TPGS2: variants seen among roughly 807,000 people sequenced by gnomAD.
TPGS2 encodes the protein tubulin polyglutamylase complex subunit 2.
Under a neutral mutation model 31.1 loss-of-function variants are expected in TPGS2, and 26 were observed. The observed-to-expected ratio is 0.84, with a 90% CI of 0.61 to 1.16. The LOEUF (loss-of-function observed/expected upper bound fraction) is 1.16. Among genes scored for constraint, TPGS2 ranks in the 50% most tolerant of loss-of-function variants. TPGS2 has a pLI of 0.00. For missense variants in TPGS2, 351 were observed against 363.8 expected (o/e 0.96, Z 0.29); for synonymous variants, 130 against 136.6 (o/e 0.95, Z 0.34).
At chr18:36,822,391 A>C (rs1258208154) in intron 1 of TPGS2, among the ~76,000 whole-genome samples, 1 of 152,194 alleles carries the variant, frequency 6.6e-6, no homozygotes, top group Admixed American at 6.5e-5. Flanking sequence ...TATACTTGGG[A>C]CTAAAACTGT....
At chr18:36,819,063 C>A in intron 1 of TPGS2, 90 bp from the exon 2 acceptor site, 1 of 1,028,430 alleles carries the variant, frequency 9.7e-7, no homozygotes, top group South Asian at 1.5e-5. Context: ...GATGACTGCT[C>A]TTAAGAACAT....
rs1204795513 is a variant in TPGS2, at chr18:36,795,503, T to C, written c.*1302A>G. 39 of 985,306 alleles carry C rather than the reference T, an allele frequency of 4.0e-5. No individual in the cohort carries two copies. The highest frequency in any genetic ancestry group is 4.7e-5 in the South Asian group (1 of 21,288). 61.0% of individuals were successfully genotyped at this position (985,306 alleles called of 1,614,324 possible). ...GGGCTAGGTGGGTGACTCCCCACTT[T>C]CCCTGTTGGGAAGCAGGGTGAAGGC... On this transcript the variant is annotated 3_prime_UTR_variant, in exon 7 of 7. Transcript: ENST00000334295.
At chr18:36,798,183 C>G in intron 6 of TPGS2, 1 of 1,295,166 alleles carries the variant, frequency 7.7e-7, no homozygotes, top group Non-Finnish European at 9.9e-7. Flanking sequence ...AGTCATGGGA[C>G]ATAAACTATC....
Position 36,795,246 on chromosome 18 carries a change from T to C in TPGS2, c.*1559A>G. The C allele has an allele frequency of 1.0e-6, 1 of 985,408 alleles. No homozygotes were observed. Among genetic ancestry groups the C allele is most frequent in the African/African-American group, 1.7e-5 (1 of 57,346 alleles). 61.0% of individuals were successfully genotyped at this position (985,408 alleles called of 1,614,324 possible). A position where few individuals can be genotyped will look rare whatever the true frequency, so the allele number is the denominator to read the frequency against. Reference sequence around the variant, plus strand: ...TGTGGAGAATCCTGTGGACTGCTCTTAGTTCCCCAGTGGGTTTGGAAGAGG... The same window carrying C: ...TGTGGAGAATCCTGTGGACTGCTCTCAGTTCCCCAGTGGGTTTGGAAGAGG... On this transcript the variant is annotated 3_prime_UTR_variant, in exon 7 of 7. Transcript: ENST00000334295.
chr18:36,825,971 T>C (rs2046117369), intron 1 of TPGS2, among the ~76,000 whole-genome samples: 1 of 152,238 alleles, frequency 6.6e-6, no homozygotes, highest in Non-Finnish European at 1.5e-5. Flanking sequence ...TTTAATTTCT[T>C]TCCACAGTCT....
downstream of TPGS2, among the ~76,000 whole-genome samples, chr18:36,781,496 A>G (rs1372675448): frequency 1.3e-5 from 2 of 152,136 alleles, no homozygotes; most frequent in African/African-American, 2.4e-5. Context: ...TACTAAAAAT[A>G]TAAATATTAG....
chr18:36,801,484 C>T (rs911108168), intron 4 of TPGS2, among the ~76,000 whole-genome samples: 8 of 152,060 alleles, frequency 5.3e-5, no homozygotes, highest in African/African-American at 1.9e-4. Flanking sequence ...ATAGGTGTGG[C>T]CACCATACCC....
intron 1 of TPGS2, among the ~76,000 whole-genome samples, chr18:36,822,291 A>G (rs1430254662): frequency 1.3e-5 from 2 of 152,210 alleles, no homozygotes; most frequent in Non-Finnish European, 2.9e-5. Flanking sequence ...CTATGTGACC[A>G]CTGACAAGAG....
chr18:36,799,657 C>T (rs1401736209), intron 5 of TPGS2, among the ~76,000 whole-genome samples: 1 of 152,106 alleles, frequency 6.6e-6, no homozygotes, highest in African/African-American at 2.4e-5. Flanking sequence ...ATCCTCTCAC[C>T]CCTACCAGAC....
intron 6 of TPGS2, among the ~76,000 whole-genome samples, chr18:36,783,803 T>C (rs1020892466): frequency 7.9e-5 from 12 of 152,288 alleles, no homozygotes; most frequent in Non-Finnish European, 1.5e-4. Flanking sequence ...CAGGTCCTAA[T>C]CCCTGGAACC....
At chr18:36,826,269 C>T (rs2046129963) in intron 1 of TPGS2, among the ~76,000 whole-genome samples, 1 of 152,204 alleles carries the variant, frequency 6.6e-6, no homozygotes, top group Admixed American at 6.5e-5. Flanking sequence ...TCAAGCAATC[C>T]TCTCACCTTG....
At chr18:36,824,841 A>G (rs73435510) in intron 1 of TPGS2, among the ~76,000 whole-genome samples, 6,083 of 152,222 alleles carry the variant, frequency 0.04, 418 homozygotes, top group African/African-American at 0.14. Context: ...AAGCACAAAC[A>G]TTTTAAATTT....
intron 6 of TPGS2, among the ~76,000 whole-genome samples, chr18:36,797,822 A>G (rs2044607399): frequency 6.6e-6 from 1 of 151,906 alleles, no homozygotes; most frequent in African/African-American, 2.4e-5. Context: ...TATGCCTGAA[A>G]TGGTGACCAG....
At chr18:36,816,711 C>T (rs749003683) in intron 2 of TPGS2, among the ~76,000 whole-genome samples, 86 of 152,284 alleles carry the variant, frequency 5.6e-4, no homozygotes, top group Non-Finnish European at 1.1e-3. Flanking sequence ...CAGGTTCAAG[C>T]GATTCTTCTG....
rs1252838140 is a variant in TPGS2 at position 36,794,330 on chromosome 18, T to G, written c.*2475A>C. On this transcript the variant is annotated 3_prime_UTR_variant, in exon 7 of 7. Coordinates refer to ENST00000334295, the MANE Select transcript of TPGS2 (RefSeq NM_015476.4). ...AGTCCTGCTCTTCCCTGCTCACTCC[T>G]TCTGAGGCAGGTCTTGAGCCTTTCC... The G allele has an allele frequency of 2.0e-6, 2 of 985,370 alleles. No individual in the cohort carries two copies. The highest frequency in any genetic ancestry group is 3.5e-5 in the African/African-American group (2 of 57,244). 61.0% of individuals were successfully genotyped at this position (985,370 alleles called of 1,614,324 possible). A position where few individuals can be genotyped will look rare whatever the true frequency, so the allele number is the denominator to read the frequency against.
intron 1 of TPGS2, among the ~76,000 whole-genome samples, chr18:36,828,124 C>G (rs1477643862): frequency 6.6e-6 from 1 of 151,764 alleles, no homozygotes; most frequent in Non-Finnish European, 1.5e-5. Context: ...GCCGAGATCG[C>G]GCCATTGCAC....
Position 36,828,895 on chromosome 18 carries a change from G to T in TPGS2, c.-128C>A, listed in dbSNP as rs1268714345. The T allele has an allele frequency of 4.2e-6, 5 of 1,199,412 alleles. No homozygotes were observed. Among genetic ancestry groups the T allele is most frequent in the Non-Finnish European group, 4.6e-6 (4 of 864,810 alleles). 74.3% of individuals were successfully genotyped at this position (1,199,412 alleles called of 1,614,324 possible). A position where few individuals can be genotyped will look rare whatever the true frequency, so the allele number is the denominator to read the frequency against. On this transcript the variant is annotated 5_prime_UTR_variant, in exon 1 of 7. Transcript: ENST00000334295. ...GCGCCTGAAAGCGCGGCGCAGTGAT[G>T]ATGGGGGCCCGGGGTTGGTCTGACA...
Position 36,828,896 on chromosome 18 carries a change from ATGGGG to A in TPGS2, c.-134_-130del, listed in dbSNP as rs1568042057. The A allele has an allele frequency of 5.0e-6, 6 of 1,191,526 alleles. No homozygotes were observed. The East Asian group carries it at 1.5e-4, about 30-fold the overall frequency. 73.8% of individuals were successfully genotyped at this position (1,191,526 alleles called of 1,614,324 possible). On this transcript the variant is annotated 5_prime_UTR_variant, in exon 1 of 7. Coordinates refer to ENST00000334295, the MANE Select transcript of TPGS2 (RefSeq NM_015476.4). ...CGCCTGAAAGCGCGGCGCAGTGATG[ATGGGG>A]GCCCGGGGTTGGTCTGACAGCAGCA...
Position 36,800,306 on chromosome 18 carries a change from C to CG in TPGS2, c.387_388insC (p.Asp130ArgfsTer2), listed in dbSNP as rs1413346224. 6.2e-7 allele frequency: 1 copy of CG among 1,614,110 alleles called. No homozygotes were observed. Among genetic ancestry groups the CG allele is most frequent in the Admixed American group, 1.7e-5 (1 of 60,022 alleles). On this transcript the variant is annotated frameshift_variant, in exon 5 of 7. Coordinates refer to ENST00000334295, the MANE Select transcript of TPGS2 (RefSeq NM_015476.4). LOFTEE classifies it high-confidence loss of function. ...AAGTGAGGCTTCTCTGGCTGATCAT[C>CG]ACTGGCTGCAAACCCAGAAGTTAAT...
Sources: allele counts gnomAD v4.1 joint callset (sites outside exome capture counted in the v4.1 genomes callset), GRCh38; gene constraint gnomAD v4.1.1; transcripts MANE v1.5; gene names NCBI Gene and HGNC (gene_info 2026-07-23, HGNC 2026-07-21).